The following CEP128 variants were observed in gnomAD, a reference collection of about 807,000 sequenced individuals.
The protein encoded by CEP128 is centrosomal protein 128kDa.
In CEP128, 132 loss-of-function variants were observed where a neutral mutation model predicts 156.7. The ratio of observed to expected loss-of-function variants is 0.84; its 90% CI spans 0.73 to 0.97. The LOEUF (loss-of-function observed/expected upper bound fraction) is 0.97, where lower values mean the gene tolerates loss of function less well. Among genes scored for constraint, CEP128 ranks in the 50% least tolerant of loss-of-function variants. The pLI is 0.00. For missense variants in CEP128, 1,252 were observed against 1,281.9 expected, an observed-to-expected ratio of 0.98 and a Z score of 0.36; for synonymous variants, 469 against 448.9, an observed-to-expected ratio of 1.04 and a Z score of -0.57.
At chr14:80,567,355 A>G (rs769674975) in intron 20 of CEP128, among the ~76,000 whole-genome samples, 3 of 152,132 alleles carry the variant, frequency 2.0e-5, no homozygotes, top group Non-Finnish European at 4.4e-5. Flanking sequence ...AAAGAAGATG[A>G]AGAGAAAGAT....
At chr14:80,560,659 C>G (rs983767484) in intron 20 of CEP128, among the ~76,000 whole-genome samples, 4 of 151,964 alleles carry the variant, frequency 2.6e-5, no homozygotes, top group Admixed American at 2.6e-4. Flanking sequence ...CTGGTGGGCA[C>G]AATCTAATCA....
intron 13 of CEP128, among the ~76,000 whole-genome samples, chr14:80,815,358 C>T (rs538620159): frequency 1.3e-5 from 2 of 152,248 alleles, no homozygotes; most frequent in Admixed American, 6.5e-5. Flanking sequence ...ATTAAAACCA[C>T]AATGAGATAT....
intron 15 of CEP128, 24 bp downstream of exon 15, chr14:80,784,871 A>G (rs1232579828): frequency 6.4e-7 from 1 of 1,563,812 alleles, no homozygotes; most frequent in Non-Finnish European, 8.7e-7. Flanking sequence ...CTTCAGTATC[A>G]TCAGGATAAT....
chr14:80,864,703 C>A (rs1887683244), intron 8 of CEP128, among the ~76,000 whole-genome samples: 1 of 151,920 alleles, frequency 6.6e-6, no homozygotes, highest in South Asian at 2.1e-4. Context: ...ATTACAGGCA[C>A]CTGCCACCAC....
chr14:80,492,972 T>C (rs1887374593), downstream of CEP128, among the ~76,000 whole-genome samples: 1 of 152,154 alleles, frequency 6.6e-6, no homozygotes, highest in Non-Finnish European at 1.5e-5. Context: ...TTTAAAAATA[T>C]ATATATATTG....
intron 16 of CEP128, among the ~76,000 whole-genome samples, chr14:80,770,149 A>G (rs1029567250): frequency 2.0e-5 from 3 of 152,234 alleles, no homozygotes; most frequent in African/African-American, 7.2e-5. Flanking sequence ...TAAGGATTTA[A>G]TAGCAGGCCT....
chr14:80,831,439 T>C (rs1885794294), intron 12 of CEP128, 145 bp from the exon 13 acceptor site: 1 of 733,642 alleles, frequency 1.4e-6, no homozygotes, highest in African/African-American at 1.8e-5. Flanking sequence ...TGCCAGCCTG[T>C]TGTTTCAAGT....
chr14:80,919,629 T>A (rs1884743613), intron 2 of CEP128, among the ~76,000 whole-genome samples: 1 of 152,074 alleles, frequency 6.6e-6, no homozygotes. Flanking sequence ...ACTGAATTGA[T>A]AAATATTAAT....
chr14:80,714,850 T>C (rs181058289), intron 19 of CEP128, among the ~76,000 whole-genome samples: 7 of 152,028 alleles, frequency 4.6e-5, no homozygotes, highest in Middle Eastern at 3.4e-3. Context: ...TATCATCTTA[T>C]CAAAAAAGCA....
chr14:80,757,750 A>G (rs76900162), intron 17 of CEP128, among the ~76,000 whole-genome samples: 8,297 of 152,294 alleles, frequency 0.054, 227 homozygotes, highest in Non-Finnish European at 0.065. Context: ...AAATACCTCC[A>G]TACCTCCTGA....
intron 19 of CEP128, among the ~76,000 whole-genome samples, chr14:80,655,939 T>G (rs369693477): frequency 1.8e-4 from 27 of 151,866 alleles, no homozygotes; most frequent in African/African-American, 6.3e-4. Flanking sequence ...ATAGTTTGAG[T>G]TTATCTTCTT....
chr14:80,729,361 G>A (rs1021292014), intron 19 of CEP128, among the ~76,000 whole-genome samples: 1 of 144,076 alleles, frequency 6.9e-6, no homozygotes, highest in African/African-American at 2.6e-5. Context: ...TTTTATGGTT[G>A]AGTAGTATTC....
At chr14:80,522,464 C>T (rs2140251229) in intron 23 of CEP128, among the ~76,000 whole-genome samples, 1 of 152,332 alleles carries the variant, frequency 6.6e-6, no homozygotes, top group African/African-American at 2.4e-5. Context: ...CCTACCTCAT[C>T]TTATCCCGTA....
chr14:80,778,525 T>A lies in CEP128; in HGVS notation c.2212-479A>T, dbSNP rs577640309. Among the ~76,000 whole-genome samples, 10 of 152,358 alleles carry A rather than the reference T, an allele frequency of 6.6e-5. No homozygotes were observed. In the South Asian group the frequency reaches 1.7e-3, roughly 25 times the overall value. On this transcript the variant is annotated intron_variant, in intron 15 of 24. Transcript: ENST00000555265. ...TTCCTGTTCACCTTCACTTCTGGTT[T>A]CTATGAAATAATGGTGTACTTTTTA...
At chr14:80,751,712 C>T (rs1899404089) in intron 18 of CEP128, among the ~76,000 whole-genome samples, 1 of 151,812 alleles carries the variant, frequency 6.6e-6, no homozygotes, top group Non-Finnish European at 1.5e-5. Flanking sequence ...TCACTACAAC[C>T]TTTGCCTCCT....
intron 8 of CEP128, among the ~76,000 whole-genome samples, chr14:80,884,725 G>A (rs989595715): frequency 1.4e-4 from 21 of 152,234 alleles, no homozygotes; most frequent in African/African-American, 3.9e-4. Flanking sequence ...GCACAAAACT[G>A]GGCAGCTGTT....
chr14:80,533,483 TTTCAATCAAC>T (rs1191035097), intron 21 of CEP128, among the ~76,000 whole-genome samples: 2 of 152,182 alleles, frequency 1.3e-5, no homozygotes, highest in Admixed American at 6.5e-5. Context: ...TGCTTAAAAT[TTTCAATCAAC>T]CAGGCGACTA....
upstream of CEP128, among the ~76,000 whole-genome samples, chr14:80,944,233 C>G (rs536128060): frequency 8.5e-5 from 13 of 152,144 alleles, no homozygotes; most frequent in South Asian, 1.9e-3. Context: ...TTTAGAAAAA[C>G]CCACAAAGAG....
intron 2 of CEP128, among the ~76,000 whole-genome samples, chr14:80,922,121 G>A (rs2139536147): frequency 6.6e-6 from 1 of 152,278 alleles, no homozygotes. Context: ...CGGTTAACAG[G>A]CTGACAGCAG....
Sources: gnomAD v4.1 joint callset for allele counts (sites outside exome capture counted in the v4.1 genomes callset) on GRCh38, gnomAD v4.1.1 for gene constraint, MANE v1.5 for transcripts, NCBI Gene and HGNC (gene_info 2026-07-23, HGNC 2026-07-21) for gene names.